Variants in ANKS1B observed in about 807,000 individuals in gnomAD.
ANKS1B encodes ankyrin repeat and sterile alpha motif domain-containing protein 1B.
A neutral mutation model predicts 148.3 loss-of-function variants in ANKS1B; 36 were observed. That is an observed-to-expected ratio of 0.24 (90% CI 0.19 to 0.32). ANKS1B has a LOEUF of 0.32. Among genes scored for constraint, ANKS1B ranks in the 10% least tolerant of loss-of-function variants. The pLI is 1.00. For synonymous variants in ANKS1B, 542 were observed against 560.8 expected, an observed-to-expected ratio of 0.97 and a Z score of 0.47; for missense variants, 1,157 against 1,542.6, an observed-to-expected ratio of 0.75 and a Z score of 4.19.
chr12:99,929,134 A>T (rs1013895641), intron 1 of ANKS1B, among the ~76,000 whole-genome samples: 10 of 152,236 alleles, frequency 6.6e-5, no homozygotes, highest in Non-Finnish European at 1.5e-4. Flanking sequence ...TTCAGCTCAC[A>T]GAACTAATTT....
intron 8 of ANKS1B, among the ~76,000 whole-genome samples, chr12:99,673,421 A>C (rs1713215568): frequency 6.6e-6 from 1 of 152,090 alleles, no homozygotes. Flanking sequence ...TCCAGAAAAC[A>C]AAGAAAATTT....
At chr12:98,824,163 C>G (rs1221169755) in intron 19 of ANKS1B, among the ~76,000 whole-genome samples, 1 of 152,066 alleles carries the variant, frequency 6.6e-6, no homozygotes, top group African/African-American at 2.4e-5. Context: ...ATTTTGTAAC[C>G]TGAATTGGTA....
chr12:99,773,052 T>C lies in ANKS1B; in HGVS notation c.998A>G (p.Asp333Gly). ...TVTGELSKLLDEIKLCQEKDY... is the reference protein window; with the variant it reads ...TVTGELSKLLGEIKLCQEKDY... The stretch of plus-strand genomic sequence containing the variant: ...CTTTTCTTGACAGAGTTTTATTTCA[T>C]CCAAGAGTTTTGATAATTCTCCAGT... Residue 333 changes from aspartate (D) to glycine (G), a missense_variant, in exon 8 of 27, where the codon GAT becomes GGT. Coordinates refer to ENST00000683438, the MANE Select transcript of ANKS1B (RefSeq NM_001352186.2). 3 of 1,609,604 alleles carry C rather than the reference T, an allele frequency of 1.9e-6. No homozygotes were observed. The highest frequency in any genetic ancestry group is 1.3e-5 in the African/African-American group (1 of 74,818).
intron 2 of ANKS1B, among the ~76,000 whole-genome samples, chr12:99,813,669 A>C (rs558119306): frequency 3.3e-5 from 5 of 151,678 alleles, no homozygotes; most frequent in Non-Finnish European, 5.9e-5. Context: ...TAATTGCTAA[A>C]TGTAAGAAAT....
chr12:99,188,714 A>G (rs1388390954), intron 14 of ANKS1B, among the ~76,000 whole-genome samples: 1 of 152,252 alleles, frequency 6.6e-6, no homozygotes, highest in East Asian at 1.9e-4. Context: ...AGGGACATTT[A>G]TAGCACTAAA....
Position 99,881,582 on chromosome 12 carries a change from T to C in ANKS1B, c.135-56193A>G, listed in dbSNP as rs2153737768. Among the ~76,000 whole-genome samples the C allele has an allele frequency of 1.3e-5, 2 of 152,272 alleles. 1 individual carries two copies. Among genetic ancestry groups the C allele is most frequent in the South Asian group, 4.1e-4 (2 of 4,828 alleles). On this transcript the variant is annotated intron_variant, in intron 1 of 26. Transcript: ENST00000683438. Reference sequence around the variant, plus strand: ...GAGAAAGGGTTGGGATATGAGCCCGTCCTGAGCTGCACATACAGAGATATG... The same window carrying C: ...GAGAAAGGGTTGGGATATGAGCCCGCCCTGAGCTGCACATACAGAGATATG...
At chr12:99,274,242 T>C (rs867875093) in intron 12 of ANKS1B, among the ~76,000 whole-genome samples, 1 of 152,162 alleles carries the variant, frequency 6.6e-6, no homozygotes, top group African/African-American at 2.4e-5. Flanking sequence ...TTAGTTTCAT[T>C]TGACATCTGG....
At position 99,134,643 on chromosome 12, in the gene ANKS1B, T is replaced by A. The variant is rs1042515119; in HGVS notation, c.2526+19646A>T. Among the ~76,000 whole-genome samples, 428 of 82,996 alleles carry A rather than the reference T, an allele frequency of 5.2e-3. 2 individuals carry two copies. The highest frequency in any genetic ancestry group is 8.3e-3 in the South Asian group (18 of 2,164). The allele number at this position is 82,996 out of a possible 152,430, so 54.4% of individuals were successfully genotyped here. A position where few individuals can be genotyped will look rare whatever the true frequency, so the allele number is the denominator to read the frequency against. On this transcript the variant is annotated intron_variant, in intron 15 of 26. Coordinates refer to ENST00000683438, the MANE Select transcript of ANKS1B (RefSeq NM_001352186.2). ...ATCCCTTTCTGTCTCTCTCTCTCTC[T>A]CTCACACACACACACACACACACAC...
rs114661798 is a variant in ANKS1B at position 99,577,605 on chromosome 12, T to G, written c.1273-72964A>C. Among the ~76,000 whole-genome samples, 367 of 151,950 alleles carry G rather than the reference T, an allele frequency of 2.4e-3. 1 individual carries two copies. The highest frequency in any genetic ancestry group is 8.5e-3 in the African/African-American group (355 of 41,528). On this transcript the variant is annotated intron_variant, in intron 9 of 26. Coordinates refer to ENST00000683438, the MANE Select transcript of ANKS1B (RefSeq NM_001352186.2). ...TCAGAGACAATTATAAACACTTCTA[T>G]GCACAGAAACTAGAAGAAATGTATA...
chr12:99,372,887 G>A (rs1165301856), intron 12 of ANKS1B, among the ~76,000 whole-genome samples: 1 of 151,964 alleles, frequency 6.6e-6, no homozygotes, highest in Non-Finnish European at 1.5e-5. Flanking sequence ...CATAATGTAT[G>A]CCTTCCATGT....
intron 19 of ANKS1B, among the ~76,000 whole-genome samples, chr12:98,827,608 T>G (rs1159811617): frequency 6.6e-6 from 1 of 152,192 alleles, no homozygotes; most frequent in Non-Finnish European, 1.5e-5. Flanking sequence ...GGTGCAGTCT[T>G]GCTAGGCCAC....
rs2098083682 is a variant in ANKS1B at position 98,751,282 on chromosome 12, A to G, written c.3747+73T>C. On this transcript the variant is annotated intron_variant, in intron 26 of 26. Coordinates refer to ENST00000683438, the MANE Select transcript of ANKS1B (RefSeq NM_001352186.2). The surrounding 1 kb of genome is among the most constrained non-coding windows in gnomAD (Gnocchi z 4.3). ...TGGGTTCTAATGGCACCCACACCACACAAGGGCCTGGTTAGCAGCCCCTTT... is the reference window on the plus strand; with the variant it reads ...TGGGTTCTAATGGCACCCACACCACGCAAGGGCCTGGTTAGCAGCCCCTTT... The G allele has an allele frequency of 6.7e-7, 1 of 1,503,206 alleles. No individual in the cohort carries two copies. Among genetic ancestry groups the G allele is most frequent in the African/African-American group, 1.4e-5 (1 of 71,976 alleles). The allele number at this position is 1,503,206 out of a possible 1,614,324, so 93.1% of individuals were successfully genotyped here.
intron 8 of ANKS1B, among the ~76,000 whole-genome samples, chr12:99,713,638 T>C (rs541928546): frequency 6.6e-6 from 1 of 152,312 alleles, no homozygotes; most frequent in South Asian, 2.1e-4. Flanking sequence ...ATCTGGGCCA[T>C]TATGAGGAGT....
At chr12:98,960,595 T>A (rs925184801) in intron 17 of ANKS1B, among the ~76,000 whole-genome samples, 1 of 152,126 alleles carries the variant, frequency 6.6e-6, no homozygotes, top group Non-Finnish European at 1.5e-5. Context: ...AATGCCCAGA[T>A]ACTGACAAAC....
At chr12:99,703,140 C>T (rs1357217614) in intron 8 of ANKS1B, among the ~76,000 whole-genome samples, 1 of 152,128 alleles carries the variant, frequency 6.6e-6, no homozygotes, top group Non-Finnish European at 1.5e-5. Flanking sequence ...GAAACATTGA[C>T]TCTCTTTCTC....
chr12:99,309,307 T>G (rs1048577344), intron 12 of ANKS1B, among the ~76,000 whole-genome samples: 1 of 152,072 alleles, frequency 6.6e-6, no homozygotes, highest in Non-Finnish European at 1.5e-5. Flanking sequence ...TTTTTCAATT[T>G]TATGAGTGTG....
At chr12:98,749,651 C>T (rs1306577093) in intron 26 of ANKS1B, among the ~76,000 whole-genome samples, 2 of 151,938 alleles carry the variant, frequency 1.3e-5, no homozygotes, top group Non-Finnish European at 2.9e-5. Context: ...GCATAAAGGC[C>T]TCAGGTAGGA....
At chr12:99,743,718 A>G (rs2153584078) in intron 8 of ANKS1B, among the ~76,000 whole-genome samples, 1 of 152,340 alleles carries the variant, frequency 6.6e-6, no homozygotes, top group South Asian at 2.1e-4. Context: ...CTAAAGTAAT[A>G]ACACTACAAT....
intron 16 of ANKS1B, among the ~76,000 whole-genome samples, chr12:99,071,481 C>G (rs1026030525): frequency 1.3e-5 from 2 of 152,158 alleles, no homozygotes; most frequent in Admixed American, 6.5e-5. Context: ...AATCACAATG[C>G]CTTTAGCAAC....
Sources: allele counts gnomAD v4.1 joint callset (sites outside exome capture counted in the v4.1 genomes callset), GRCh38; gene constraint gnomAD v4.1.1; non-coding constraint Gnocchi (gnomAD v3.1); transcripts MANE v1.5; gene names NCBI Gene and HGNC (gene_info 2026-07-23, HGNC 2026-07-21).